Variants in ABHD2 observed in about 807,000 individuals in gnomAD.
ABHD2 encodes the protein abhydrolase domain containing 2, acylglycerol lipase, also known as monoacylglycerol lipase ABHD2.
A neutral mutation model predicts 48.1 loss-of-function variants in ABHD2; 20 were observed. The ratio of observed to expected loss-of-function variants is 0.42; its 90% CI spans 0.29 to 0.60. The LOEUF (loss-of-function observed/expected upper bound fraction) is 0.60, where lower values mean the gene tolerates loss of function less well. Among genes scored for constraint, ABHD2 ranks in the 20% least tolerant of loss-of-function variants. The probability of loss-of-function intolerance (pLI) is 0.24; values close to 1 mark genes in which losing one functional copy is unlikely to be tolerated. For missense variants in ABHD2, 405 were observed against 550.9 expected (o/e 0.74, Z 2.65); for synonymous variants, 209 against 214.2 (o/e 0.98, Z 0.21).
chr15:89,181,415 G>A (rs28543021), intron 6 of ABHD2, among the ~76,000 whole-genome samples: 9,046 of 152,066 alleles, frequency 0.059, 914 homozygotes, highest in African/African-American at 0.2. Context: ...TTATTCTTAA[G>A]GTTTCATTAG....
intron 5 of ABHD2, among the ~76,000 whole-genome samples, chr15:89,171,707 G>A (rs2050931060): frequency 6.6e-6 from 1 of 152,134 alleles, no homozygotes; most frequent in South Asian, 2.1e-4. Context: ...GAAAGGAAAG[G>A]GAGTCTGAAA....
the ABHD2 span, among the ~76,000 whole-genome samples, chr15:89,080,429 C>T: frequency 6.6e-6 from 1 of 152,158 alleles, no homozygotes; most frequent in Non-Finnish European, 1.5e-5. Context: ...TGTAGACCAG[C>T]TAGAAGTGTT....
chr15:89,045,663 T>C, the ABHD2 span, among the ~76,000 whole-genome samples: 1 of 152,218 alleles, frequency 6.6e-6, no homozygotes, highest in Non-Finnish European at 1.5e-5. Flanking sequence ...TTTGAAGCAA[T>C]TGTGAATGGG....
At chr15:89,153,503 C>T (rs565825124) in intron 4 of ABHD2, among the ~76,000 whole-genome samples, 1 of 152,336 alleles carries the variant, frequency 6.6e-6, no homozygotes, top group African/African-American at 2.4e-5. Flanking sequence ...TGACCATCTG[C>T]TCTTCCTACC....
rs1380967027 is a variant in ABHD2, at chr15:89,183,493, A to G, written c.723-1931A>G. ...TTAAGTTTCAATTCCTTAATTCTACAGCCAAAGGTAAAAGACATCCCCTAC... is the reference window on the plus strand; with the variant it reads ...TTAAGTTTCAATTCCTTAATTCTACGGCCAAAGGTAAAAGACATCCCCTAC... On this transcript the variant is annotated intron_variant, in intron 6 of 10. Transcript: ENST00000352732. The G allele has an allele frequency of 2.7e-5, 4 of 149,744 alleles. No individual in the cohort carries two copies. In the East Asian group the frequency reaches 7.8e-4, roughly 29 times the overall value. 9.3% of individuals were successfully genotyped at this position (149,744 alleles called of 1,614,324 possible). A position where few individuals can be genotyped will look rare whatever the true frequency, so the allele number is the denominator to read the frequency against.
intron 1 of ABHD2, among the ~76,000 whole-genome samples, chr15:89,105,729 C>T (rs1271881568): frequency 1.3e-5 from 2 of 152,234 alleles, no homozygotes; most frequent in Admixed American, 1.3e-4. Context: ...TCAGGGCAGT[C>T]CCTGGCTTGA....
At chr15:89,119,862 G>A (rs60244965) in intron 3 of ABHD2, among the ~76,000 whole-genome samples, 5,243 of 152,244 alleles carry the variant, frequency 0.034, 134 homozygotes, top group African/African-American at 0.071. Context: ...CAGGAAACAC[G>A]TCTGTTATGA....
intron 1 of ABHD2, among the ~76,000 whole-genome samples, chr15:89,108,676 C>T (rs963402279): frequency 6.6e-6 from 1 of 152,206 alleles, no homozygotes; most frequent in Non-Finnish European, 1.5e-5. Flanking sequence ...AGGCTGAAAG[C>T]ATCACGATCC....
the ABHD2 span, among the ~76,000 whole-genome samples, chr15:89,061,379 T>C: frequency 6.6e-6 from 1 of 151,374 alleles, no homozygotes; most frequent in Non-Finnish European, 1.5e-5. Flanking sequence ...GATCACACCA[T>C]TGCACTCCAG....
In ABHD2 at chr15:89,155,350, C is replaced by CT. The variant is rs765178223; in HGVS notation, c.371-14dup. 6.2e-7 allele frequency: 1 copy of CT among 1,607,056 alleles called. No homozygotes were observed. Among genetic ancestry groups the CT allele is most frequent in the Admixed American group, 1.7e-5 (1 of 59,742 alleles). ...ACATTTCTTGGATACATCAGGATCTCTTTCTCTACGCTATAGATGATATCA... is the reference window on the plus strand; with the variant it reads ...ACATTTCTTGGATACATCAGGATCTCTTTTCTCTACGCTATAGATGATATCA... On this transcript the variant is annotated splice_polypyrimidine_tract_variant and intron_variant, in intron 4 of 10. Transcript: ENST00000352732. The surrounding 1 kb of genome is among the most constrained non-coding windows in gnomAD (Gnocchi z 4.9).
At chr15:89,169,953 G>A (rs1011937798) in intron 5 of ABHD2, among the ~76,000 whole-genome samples, 1 of 151,940 alleles carries the variant, frequency 6.6e-6, no homozygotes, top group Non-Finnish European at 1.5e-5. Context: ...TGAATATTCA[G>A]TCAGATATGT....
At chr15:89,076,785 C>T in the ABHD2 span, among the ~76,000 whole-genome samples, 5 of 152,216 alleles carry the variant, frequency 3.3e-5, no homozygotes, top group South Asian at 2.1e-4. Flanking sequence ...TACCCAGCTA[C>T]GGTTTGTTTT....
At chr15:89,117,604 C>G (rs2049981732) in intron 3 of ABHD2, among the ~76,000 whole-genome samples, 1 of 152,238 alleles carries the variant, frequency 6.6e-6, no homozygotes, top group Non-Finnish European at 1.5e-5. Context: ...CCTGTGCCTT[C>G]TCAGGCTGCA....
the ABHD2 span, among the ~76,000 whole-genome samples, chr15:89,071,356 G>A: frequency 1.3e-5 from 2 of 152,172 alleles, no homozygotes; most frequent in East Asian, 1.9e-4. Flanking sequence ...GGGAGGTGGA[G>A]GTTGCAGTGA....
intron 1 of ABHD2, among the ~76,000 whole-genome samples, chr15:89,111,811 T>G (rs2049879637): frequency 6.6e-6 from 1 of 152,170 alleles, no homozygotes; most frequent in South Asian, 2.1e-4. Flanking sequence ...CTGTCTCAAA[T>G]AGTTTGTGGA....
chr15:89,147,509 A>C (rs1180682500), intron 3 of ABHD2, among the ~76,000 whole-genome samples: 1 of 151,428 alleles, frequency 6.6e-6, no homozygotes, highest in Non-Finnish European at 1.5e-5. Flanking sequence ...GCCCGCCACC[A>C]CGCCCGGCTA....
chr15:89,127,931 C>G (rs1275171547), intron 3 of ABHD2, among the ~76,000 whole-genome samples: 1 of 151,974 alleles, frequency 6.6e-6, no homozygotes, highest in Non-Finnish European at 1.5e-5. Context: ...CTGACTTTTA[C>G]CTGTCTCTGT....
At chr15:89,142,415 G>A (rs1033940047) in intron 3 of ABHD2, among the ~76,000 whole-genome samples, 1 of 152,114 alleles carries the variant, frequency 6.6e-6, no homozygotes, top group Non-Finnish European at 1.5e-5. Flanking sequence ...AAGAGCTTGG[G>A]GGGACATCCT....
At position 89,167,383 on chromosome 15, in the gene ABHD2, G is replaced by A. The variant is rs2050854057; in HGVS notation, c.539-8429G>A. Among the ~76,000 whole-genome samples, 1 of 152,152 alleles carries A rather than the reference G, an allele frequency of 6.6e-6. No individual in the cohort carries two copies. The highest frequency in any genetic ancestry group is 6.5e-5 in the Admixed American group (1 of 15,270). On this transcript the variant is annotated intron_variant, in intron 5 of 10. Coordinates refer to ENST00000352732, the MANE Select transcript of ABHD2 (RefSeq NM_152924.5). The surrounding 1 kb of genome is among the most constrained non-coding windows in gnomAD (Gnocchi z 5.5). Reference sequence around the variant, plus strand: ...ATGGGTGAAGGGAGAGAGAGAATGTGAAAGTGAAGGTAGTGAGTTTGCAGA... The same window carrying A: ...ATGGGTGAAGGGAGAGAGAGAATGTAAAAGTGAAGGTAGTGAGTTTGCAGA...
Sources: gnomAD v4.1 joint callset for allele counts (sites outside exome capture counted in the v4.1 genomes callset) on GRCh38, gnomAD v4.1.1 for gene constraint, Gnocchi (gnomAD v3.1) non-coding constraint, MANE v1.5 for transcripts, NCBI Gene and HGNC (gene_info 2026-07-23, HGNC 2026-07-21) for gene names.